Variants in PLXNA4 observed in about 807,000 individuals in gnomAD.
PLXNA4 encodes the protein plexin A4, also known as plexin-A4.
A neutral mutation model predicts 191.8 loss-of-function variants in PLXNA4; 44 were observed. The observed-to-expected ratio is 0.23, with a 90% confidence interval of 0.18 to 0.29. The LOEUF (loss-of-function observed/expected upper bound fraction) is 0.29, where lower values mean the gene tolerates loss of function less well. PLXNA4 is among the 10% of genes least tolerant of loss of function. The pLI is 1.00. For synonymous variants in PLXNA4, 1,082 were observed against 1,009.5 expected (o/e 1.07, Z -1.36); for missense variants, 1,800 against 2,488.8 (o/e 0.72, Z 5.89).
At position 132,596,313 on chromosome 7, in the gene PLXNA4, G is replaced by C. The variant is rs1010350443; in HGVS notation, c.-87+49615C>G. Reference sequence around the variant, plus strand: ...GGGCTGAGATTAAGAGAGAAGCAGGGCTGGATGTTCCTGTTCCAAGATCTT... The same window carrying C: ...GGGCTGAGATTAAGAGAGAAGCAGGCCTGGATGTTCCTGTTCCAAGATCTT... On this transcript the variant is annotated intron_variant, in intron 2 of 4. Coordinates refer to the PLXNA4 transcript ENST00000378539. 7.2e-5 allele frequency among the ~76,000 whole-genome samples: 11 copies of C among 152,270 alleles called. No homozygotes were observed. The South Asian group carries it at 2.3e-3, about 32-fold the overall frequency.
chr7:132,164,326 G>T, intron 23 of PLXNA4, 38 bp from the exon 24 acceptor site: 3 of 1,607,778 alleles, frequency 1.9e-6, no homozygotes, highest in Non-Finnish European at 2.6e-6. Context: ...GGAGCTCTTG[G>T]AACACTGGAG....
chr7:132,386,762 C>T (rs1310826979), intron 3 of PLXNA4, among the ~76,000 whole-genome samples: 1 of 152,210 alleles, frequency 6.6e-6, no homozygotes, highest in Admixed American at 6.5e-5. Context: ...GGCTCGAGAG[C>T]CTCAGCAGGG....
intron 1 of PLXNA4, among the ~76,000 whole-genome samples, chr7:132,532,901 T>C (rs1799678892): frequency 6.6e-6 from 1 of 152,194 alleles, no homozygotes; most frequent in Admixed American, 6.5e-5. Context: ...TGAGACTAAC[T>C]ATTTATTCCC....
Position 132,632,588 on chromosome 7 carries a change from G to A in PLXNA4, c.-87+13340C>T, listed in dbSNP as rs10256142. Among the ~76,000 whole-genome samples the A allele has an allele frequency of 2.3e-3, 357 of 152,250 alleles. 3 individuals carry two copies. Among genetic ancestry groups the A allele is most frequent in the African/African-American group, 8.1e-3 (335 of 41,536 alleles). ...TCCATCTCTACAGCTCCCAGGCTCT[G>A]AGATTTCACCTGCCAAGAAAATTTC... On this transcript the variant is annotated intron_variant, in intron 2 of 4. Transcript: ENST00000378539.
chr7:132,599,531 T>A (rs1309750406), intron 2 of PLXNA4, among the ~76,000 whole-genome samples: 1 of 152,194 alleles, frequency 6.6e-6, no homozygotes, highest in Non-Finnish European at 1.5e-5. Flanking sequence ...GTTATTGTTG[T>A]AGAAAAATGC....
At chr7:132,606,910 A>G (rs1368345762) in intron 2 of PLXNA4, among the ~76,000 whole-genome samples, 2 of 152,216 alleles carry the variant, frequency 1.3e-5, no homozygotes, top group Admixed American at 6.5e-5. Flanking sequence ...GAATTTAGCC[A>G]AACAAAATCA....
chr7:132,194,698 AGT>A (rs1419637309), intron 13 of PLXNA4, among the ~76,000 whole-genome samples: 1 of 151,854 alleles, frequency 6.6e-6, no homozygotes, highest in East Asian at 1.9e-4. Context: ...GGGATAATTG[AGT>A]GTGTGTGTGT....
At chr7:132,133,749 C>T (rs1210803719) in intron 30 of PLXNA4, among the ~76,000 whole-genome samples, 1 of 152,144 alleles carries the variant, frequency 6.6e-6, no homozygotes, top group African/African-American at 2.4e-5. Flanking sequence ...TAAGTAGATG[C>T]CAGCATTTAC....
chr7:132,563,370 TCCTCC>T, intron 1 of PLXNA4, among the ~76,000 whole-genome samples: 1 of 106,278 alleles, frequency 9.4e-6, no homozygotes. Flanking sequence ...CTCCTCCTCC[TCCTCC>T]TTCTCCTCCT....
intron 1 of PLXNA4, among the ~76,000 whole-genome samples, chr7:132,560,374 C>A (rs1309866070): frequency 1.3e-5 from 2 of 152,178 alleles, no homozygotes; most frequent in African/African-American, 2.4e-5. Context: ...AGGTGAATAC[C>A]TGGGATGCTT....
At position 132,501,927 on chromosome 7, in the gene PLXNA4, G is replaced by A. The variant is rs73444874; in HGVS notation, c.1188+5579C>T. The stretch of plus-strand genomic sequence containing the variant: ...GGCAAGTGTAGTGGAGATGAGAGAG[G>A]AAGGATGGTGCGGGGAAGAGGAGGA... On this transcript the variant is annotated intron_variant, in intron 2 of 31. Transcript: ENST00000321063. Among the ~76,000 whole-genome samples, 336 of 152,366 alleles carry A rather than the reference G, an allele frequency of 2.2e-3. 1 individual carries two copies. Among genetic ancestry groups the A allele is most frequent in the African/African-American group, 7.7e-3 (320 of 41,578 alleles).
chr7:132,364,090 A>C (rs1243810836), intron 3 of PLXNA4, among the ~76,000 whole-genome samples: 1 of 152,198 alleles, frequency 6.6e-6, no homozygotes, highest in African/African-American at 2.4e-5. Flanking sequence ...ATCAGCAGCA[A>C]TGTTTACCTG....
chr7:132,583,831 A>G (rs1246729632), intron 2 of PLXNA4, among the ~76,000 whole-genome samples: 1 of 152,194 alleles, frequency 6.6e-6, no homozygotes, highest in Non-Finnish European at 1.5e-5. Context: ...TCCCTTGTGG[A>G]GTCCAGAGAG....
chr7:132,153,429 G>A (rs562046128), intron 25 of PLXNA4, among the ~76,000 whole-genome samples: 4 of 152,154 alleles, frequency 2.6e-5, no homozygotes, highest in South Asian at 2.1e-4. Flanking sequence ...GAGCCCTGTC[G>A]GGATGGCCAC....
At chr7:132,211,232 T>C (rs1002670928) in intron 9 of PLXNA4, 89 bp from the exon 10 acceptor site, 4 of 1,381,182 alleles carry the variant, frequency 2.9e-6, no homozygotes, top group Middle Eastern at 1.8e-4. Flanking sequence ...GTTCCCTGTC[T>C]CCACCCTTCC....
At chr7:132,176,272 A>G (rs908153788) in intron 20 of PLXNA4, among the ~76,000 whole-genome samples, 2 of 152,244 alleles carry the variant, frequency 1.3e-5, no homozygotes, top group African/African-American at 4.8e-5. Context: ...CACTGGCCAC[A>G]CAGACACAGG....
intron 3 of PLXNA4, among the ~76,000 whole-genome samples, chr7:132,329,327 C>T (rs1334371072): frequency 2.6e-5 from 4 of 152,170 alleles, no homozygotes; most frequent in Non-Finnish European, 5.9e-5. Flanking sequence ...TGGGAATGCT[C>T]GCCCTCTCCC....
intron 2 of PLXNA4, among the ~76,000 whole-genome samples, chr7:132,597,839 C>T (rs894436476): frequency 7.4e-5 from 5 of 67,616 alleles, no homozygotes; most frequent in Non-Finnish European, 1.7e-4. Context: ...ATCCATGTTG[C>T]GCTCTCTCTC....
chr7:132,199,249 A>T (rs1358453327), intron 12 of PLXNA4, among the ~76,000 whole-genome samples: 1 of 152,128 alleles, frequency 6.6e-6, no homozygotes, highest in East Asian at 1.9e-4. Flanking sequence ...TGGGCTTTTC[A>T]GTAACCATCT....
Sources: allele counts gnomAD v4.1 joint callset (sites outside exome capture counted in the v4.1 genomes callset), GRCh38; gene constraint gnomAD v4.1.1; transcripts MANE v1.5; gene names NCBI Gene and HGNC (gene_info 2026-07-23, HGNC 2026-07-21).